FLVCR2: variants seen among roughly 807,000 people sequenced by gnomAD.
FLVCR2 encodes the protein choline/ethanolamine transporter FLVCR2.
FLVCR2 carries 38 observed loss-of-function variants against 48.9 expected under a neutral mutation model. That is an observed-to-expected ratio of 0.78 (90% confidence interval 0.60 to 1.02). The LOEUF is 1.02. Among genes scored for constraint, FLVCR2 ranks in the 50% least tolerant of loss-of-function variants. FLVCR2 has a pLI of 0.00. For missense variants in FLVCR2, 664 were observed against 663.3 expected (o/e 1.00, Z -0.01); for synonymous variants, 255 against 257.0 (o/e 0.99, Z 0.07).
chr14:75,626,086 G>C (rs76072355), intron 3 of FLVCR2, among the ~76,000 whole-genome samples: 10 of 151,984 alleles, frequency 6.6e-5, no homozygotes, highest in African/African-American at 2.4e-4. Context: ...CTGCCTCCCC[G>C]GCTCAAGCAA....
intron 1 of FLVCR2, among the ~76,000 whole-genome samples, chr14:75,608,182 T>G (rs1889344718): frequency 6.6e-6 from 1 of 152,224 alleles, no homozygotes; most frequent in South Asian, 2.1e-4. Flanking sequence ...TGTAGAGGGC[T>G]CAGCACTCCT....
At chr14:75,632,614 T>C (rs1890073020) in intron 3 of FLVCR2, 2 of 702,368 alleles carry the variant, frequency 2.8e-6, no homozygotes, top group South Asian at 1.5e-5. Flanking sequence ...GTTCTATGGA[T>C]TGGTTCCATT....
chr14:75,591,221 T>A (rs1888868949), intron 1 of FLVCR2, among the ~76,000 whole-genome samples: 1 of 152,144 alleles, frequency 6.6e-6, no homozygotes, highest in Admixed American at 6.6e-5. Flanking sequence ...TTTGTATTTT[T>A]TTGTAGAGAC....
Position 75,634,894 on chromosome 14 carries a change from G to T in FLVCR2, c.1021-16G>T. ...GTCCCATCGCCGGGTGATCTTTGGG[G>T]TTATGGTTTCCCCAGGGGGAAGAAG... On this transcript the variant is annotated splice_polypyrimidine_tract_variant and intron_variant, in intron 4 of 9. Coordinates refer to ENST00000238667, the MANE Select transcript of FLVCR2 (RefSeq NM_017791.3). The T allele has an allele frequency of 6.3e-7, 1 of 1,585,580 alleles. No homozygotes were observed. Among genetic ancestry groups the T allele is most frequent in the Non-Finnish European group, 8.7e-7 (1 of 1,154,648 alleles).
chr14:75,640,020 G>A (rs1402183290), intron 6 of FLVCR2, among the ~76,000 whole-genome samples: 1 of 152,200 alleles, frequency 6.6e-6, no homozygotes, highest in African/African-American at 2.4e-5. Flanking sequence ...AGCACTTTGG[G>A]AGTCCAAGGC....
intron 1 of FLVCR2, among the ~76,000 whole-genome samples, chr14:75,611,042 G>A (rs1338328670): frequency 6.6e-6 from 1 of 152,172 alleles, no homozygotes; most frequent in Non-Finnish European, 1.5e-5. Flanking sequence ...GTGGTATGCG[G>A]GAGGGTCACA....
chr14:75,631,620 C>G (rs919058021), intron 3 of FLVCR2: 16 of 357,380 alleles, frequency 4.5e-5, no homozygotes, highest in Non-Finnish European at 2.2e-5. Flanking sequence ...TCCCCTGAAG[C>G]TAAGCCTGAG....
chr14:75,629,956 C>G (rs1383435197), intron 3 of FLVCR2, among the ~76,000 whole-genome samples: 1 of 152,278 alleles, frequency 6.6e-6, no homozygotes, highest in South Asian at 2.1e-4. Flanking sequence ...CTTCATGCCC[C>G]CTCTAAAATC....
intron 1 of FLVCR2, among the ~76,000 whole-genome samples, chr14:75,583,918 G>A (rs998000566): frequency 1.3e-5 from 2 of 152,316 alleles, no homozygotes; most frequent in East Asian, 1.9e-4. Flanking sequence ...GGGGGCTTCC[G>A]AGGCGATTGG....
chr14:75,624,246 C>G (rs1478726049), intron 2 of FLVCR2, among the ~76,000 whole-genome samples: 1 of 151,762 alleles, frequency 6.6e-6, no homozygotes, highest in Non-Finnish European at 1.5e-5. Flanking sequence ...GCCTGTAGTC[C>G]CAGCTACTCA....
intron 4 of FLVCR2, among the ~76,000 whole-genome samples, chr14:75,634,239 G>A (rs1445596453): frequency 6.6e-6 from 1 of 152,144 alleles, no homozygotes; most frequent in Non-Finnish European, 1.5e-5. Context: ...CTTGCAGAAG[G>A]GGTAGACTAT....
rs111665819 is a variant in FLVCR2 at position 75,641,285 on chromosome 14, C to T, written c.1445C>T (p.Ala482Val). The change falls in exon 8 of 10, where the codon GCC becomes GTC. Residue 482 changes from alanine (A) to valine (V), a missense_variant. Ala to Val is a moderately conservative substitution (Grantham distance 64). Transcript: ENST00000238667. ...FLCVFLTLGA[A>V]LTAFIKADLR... ...TGTGTGTTCCTTACTCTTGGAGCAG[C>T]CCTCACTGGTGAGTTGGAGCCTGAG... is the stretch of plus-strand genomic sequence containing the variant. 2.4e-5 allele frequency: 39 copies of T among 1,612,800 alleles called. No homozygotes were observed. The African/African-American group carries it at 4.5e-4, about 19-fold the overall frequency.
At chr14:75,618,921 G>A (rs1420215815) in intron 1 of FLVCR2, among the ~76,000 whole-genome samples, 1 of 140,628 alleles carries the variant, frequency 7.1e-6, no homozygotes, top group East Asian at 2.0e-4. Flanking sequence ...CTTTTTTGTT[G>A]TTACAAAGTT....
intron 5 of FLVCR2, among the ~76,000 whole-genome samples, chr14:75,637,777 A>G (rs902525212): frequency 6.6e-6 from 1 of 151,814 alleles, no homozygotes; most frequent in Non-Finnish European, 1.5e-5. Context: ...AGCTTTCATC[A>G]TCTGAGTCCT....
In FLVCR2 at chr14:75,623,525, C is replaced by G. The variant is rs569259041; in HGVS notation, c.812-1087C>G. On this transcript the variant is annotated intron_variant, in intron 2 of 9. Coordinates refer to ENST00000238667, the MANE Select transcript of FLVCR2 (RefSeq NM_017791.3). ...TTTCATTCCTGCCTACTGACCCCAC[C>G]TCCAGAGTCAAGCAGTTATATAATT... 2.1e-4 allele frequency among the ~76,000 whole-genome samples: 32 copies of G among 152,200 alleles called. No individual in the cohort carries two copies. In the East Asian group the frequency reaches 5.0e-3, roughly 24 times the overall value.
intron 1 of FLVCR2, among the ~76,000 whole-genome samples, chr14:75,599,854 A>T (rs1159119241): frequency 6.6e-6 from 1 of 152,204 alleles, no homozygotes; most frequent in African/African-American, 2.4e-5. Flanking sequence ...CCATTCAATG[A>T]GGAAAAGACA....
chr14:75,604,764 T>A (rs1428118213), intron 1 of FLVCR2, among the ~76,000 whole-genome samples: 1 of 152,074 alleles, frequency 6.6e-6, no homozygotes, highest in Non-Finnish European at 1.5e-5. Context: ...TTGAGCTGAT[T>A]CCTAATGAGT....
intron 1 of FLVCR2, among the ~76,000 whole-genome samples, chr14:75,597,855 C>A (rs928812186): frequency 2.6e-5 from 4 of 152,148 alleles, no homozygotes; most frequent in Non-Finnish European, 4.4e-5. Context: ...CAGGTGTGAG[C>A]CACCATGCCC....
intron 5 of FLVCR2, among the ~76,000 whole-genome samples, chr14:75,637,127 C>A (rs560635060): frequency 2.0e-5 from 3 of 152,336 alleles, no homozygotes; most frequent in South Asian, 4.1e-4. Flanking sequence ...CATGCAGTAG[C>A]AGAAGGGACA....
Sources: allele counts gnomAD v4.1 joint callset (sites outside exome capture counted in the v4.1 genomes callset), GRCh38; gene constraint gnomAD v4.1.1; transcripts MANE v1.5; gene names NCBI Gene and HGNC (gene_info 2026-07-23, HGNC 2026-07-21).